Variants in FSTL5 observed in about 807,000 individuals in gnomAD.
The protein encoded by FSTL5 is follistatin-related protein 5.
FSTL5 carries 62 observed loss-of-function variants against 89.1 expected under a neutral mutation model. The ratio of observed to expected loss-of-function variants is 0.70; its 90% CI spans 0.57 to 0.86. The LOEUF (loss-of-function observed/expected upper bound fraction) is 0.86, where lower values mean the gene tolerates loss of function less well. FSTL5 is among the 40% of genes least tolerant of loss of function. The probability of loss-of-function intolerance (pLI) is 0.00; values close to 1 mark genes in which losing one functional copy is unlikely to be tolerated. For synonymous variants in FSTL5, 383 were observed against 346.2 expected, an observed-to-expected ratio of 1.11 and a Z score of -1.18; for missense variants, 1,057 against 1,001.6, an observed-to-expected ratio of 1.06 and a Z score of -0.75.
chr4:161,619,692 G>A (rs1431682940), intron 7 of FSTL5, among the ~76,000 whole-genome samples: 1 of 152,014 alleles, frequency 6.6e-6, no homozygotes, highest in African/African-American at 2.4e-5. Context: ...GGAAACAACA[G>A]GTGCTGGAGA....
chr4:161,823,517 T>C (rs1446791471), intron 4 of FSTL5, among the ~76,000 whole-genome samples: 1 of 152,160 alleles, frequency 6.6e-6, no homozygotes, highest in African/African-American at 2.4e-5. Context: ...GAGCAGGTGC[T>C]GGCAATGGGG....
At chr4:162,050,747 TG>T (rs1011728076) in intron 2 of FSTL5, among the ~76,000 whole-genome samples, 4 of 151,104 alleles carry the variant, frequency 2.6e-5, no homozygotes, top group African/African-American at 9.7e-5. Context: ...TGTTTGGGGT[TG>T]GGGGAGTAGA....
At chr4:161,491,494 G>C (rs1461156113) in intron 12 of FSTL5, among the ~76,000 whole-genome samples, 2 of 151,680 alleles carry the variant, frequency 1.3e-5, no homozygotes, top group African/African-American at 4.8e-5. Flanking sequence ...TTAAAATAGA[G>C]ATGGGATAGA....
Position 161,623,826 on chromosome 4 carries a change from T to G in FSTL5, c.894+32502A>C, listed in dbSNP as rs183180286. ...CTTCAGAGAAGAGTTCTGTGAATTA[T>G]CTTGCATTTTTTATTCAAAATGTTT... On this transcript the variant is annotated intron_variant, in intron 7 of 15. Coordinates refer to ENST00000306100, the MANE Select transcript of FSTL5 (RefSeq NM_020116.5). 3.9e-5 allele frequency among the ~76,000 whole-genome samples: 6 copies of G among 152,110 alleles called. No homozygotes were observed. The East Asian group carries it at 1.2e-3, about 29-fold the overall frequency.
At chr4:161,942,420 T>C (rs2110927065) in intron 3 of FSTL5, among the ~76,000 whole-genome samples, 1 of 152,132 alleles carries the variant, frequency 6.6e-6, no homozygotes, top group Non-Finnish European at 1.5e-5. Context: ...ATTCAAATTA[T>C]TAAATTCAAA....
chr4:161,826,083 A>T (rs1256759913), intron 4 of FSTL5, among the ~76,000 whole-genome samples: 3 of 152,058 alleles, frequency 2.0e-5, no homozygotes, highest in African/African-American at 7.2e-5. Context: ...CTGTGTCACT[A>T]TTATTGTTCA....
In FSTL5 at chr4:161,841,191, T is replaced by C. The variant is rs558571562; in HGVS notation, c.410-65117A>G. Among the ~76,000 whole-genome samples, 9 of 152,306 alleles carry C rather than the reference T, an allele frequency of 5.9e-5. No homozygotes were observed. The South Asian group carries it at 1.7e-3, about 28-fold the overall frequency. ...CTTATTTAAACTTTCATGAAATTGC[T>C]CAAAGTGCATACACCATTTATTTTT... On this transcript the variant is annotated intron_variant, in intron 4 of 15. Transcript: ENST00000306100.
intron 10 of FSTL5, among the ~76,000 whole-genome samples, chr4:161,517,412 A>AT (rs572409898): frequency 6.6e-6 from 1 of 152,080 alleles, no homozygotes; most frequent in African/African-American, 2.4e-5. Context: ...GAAATGTAAA[A>AT]TTTTTTTTGA....
intron 3 of FSTL5, among the ~76,000 whole-genome samples, chr4:162,027,508 G>A (rs1429821274): frequency 6.6e-6 from 1 of 151,858 alleles, no homozygotes; most frequent in Admixed American, 6.6e-5. Context: ...TGTACTCAAC[G>A]TTTTACTATT....
At chr4:161,757,258 T>G (rs558234408) in intron 6 of FSTL5, among the ~76,000 whole-genome samples, 1 of 152,298 alleles carries the variant, frequency 6.6e-6, no homozygotes, top group South Asian at 2.1e-4. Context: ...TATCCCTGAT[T>G]TCCAAAACTA....
At chr4:161,699,469 T>C (rs139968223) in intron 6 of FSTL5, among the ~76,000 whole-genome samples, 1 of 152,330 alleles carries the variant, frequency 6.6e-6, no homozygotes, top group Non-Finnish European at 1.5e-5. Context: ...CCATTCCTTG[T>C]ATTTTCTAGA....
intron 15 of FSTL5, among the ~76,000 whole-genome samples, chr4:161,399,757 G>A (rs777909184): frequency 6.6e-6 from 1 of 152,134 alleles, no homozygotes; most frequent in Non-Finnish European, 1.5e-5. Flanking sequence ...CTCACGTGGA[G>A]TGGAGATGAT....
rs72681774 is a variant in FSTL5, at chr4:161,415,634, T to C, written c.1842-29185A>G. Among the ~76,000 whole-genome samples, 1,054 of 151,214 alleles carry C rather than the reference T, an allele frequency of 7.0e-3. 6 individuals are homozygous for C. The highest frequency in any genetic ancestry group is 0.012 in the Non-Finnish European group (793 of 67,870). The stretch of plus-strand genomic sequence containing the variant: ...TCTTTTACCTACTCAAAAAGAGATA[T>C]GTTGTATTATAGGGGATACATATAT... On this transcript the variant is annotated intron_variant, in intron 15 of 15. Coordinates refer to ENST00000306100, the MANE Select transcript of FSTL5 (RefSeq NM_020116.5).
chr4:161,563,823 C>A (rs1287156054), intron 8 of FSTL5, among the ~76,000 whole-genome samples: 1 of 151,872 alleles, frequency 6.6e-6, no homozygotes, highest in Non-Finnish European at 1.5e-5. Context: ...AATAACATTA[C>A]TATAATCTAA....
chr4:161,666,574 C>T lies in FSTL5; in HGVS notation c.728-10080G>A, dbSNP rs558381110. On this transcript the variant is annotated intron_variant, in intron 6 of 15. Transcript: ENST00000306100. ...GCTTAGAGTTATGACATAGAAAAGG[C>T]GGAGAGTTTAGCTGTTATAAAGCGA... 1.0e-3 allele frequency among the ~76,000 whole-genome samples: 154 copies of T among 152,078 alleles called. No homozygotes were observed. In the South Asian group the frequency reaches 0.018, roughly 18 times the overall value.
chr4:162,003,007 G>A lies in FSTL5; in HGVS notation c.160+30618C>T, dbSNP rs561457288. 3.3e-5 allele frequency among the ~76,000 whole-genome samples: 5 copies of A among 152,022 alleles called. No homozygotes were observed. In the East Asian group the frequency reaches 9.7e-4, roughly 30 times the overall value. ...AAAATACAAAAAATTAGCCGGCCGT[G>A]GTGTCAGGCGCCTCTAGTCCCAGCT... On this transcript the variant is annotated intron_variant, in intron 3 of 15. Coordinates refer to ENST00000306100, the MANE Select transcript of FSTL5 (RefSeq NM_020116.5).
At chr4:162,028,833 T>A (rs1737400622) in intron 3 of FSTL5, among the ~76,000 whole-genome samples, 1 of 152,112 alleles carries the variant, frequency 6.6e-6, no homozygotes, top group Non-Finnish European at 1.5e-5. Context: ...GTACTAAGAA[T>A]CTGAAGGCCC....
At chr4:161,907,844 A>G (rs530621731) in intron 4 of FSTL5, among the ~76,000 whole-genome samples, 1 of 152,152 alleles carries the variant, frequency 6.6e-6, no homozygotes, top group East Asian at 1.9e-4. Flanking sequence ...TTGAGTTCTA[A>G]CATCTATGCT....
At chr4:161,986,406 G>T (rs1735964604) in intron 3 of FSTL5, among the ~76,000 whole-genome samples, 1 of 152,054 alleles carries the variant, frequency 6.6e-6, no homozygotes, top group Admixed American at 6.5e-5. Flanking sequence ...AAAATAAATA[G>T]TTGAGCCTGG....
Sources: gnomAD v4.1 joint callset for allele counts (sites outside exome capture counted in the v4.1 genomes callset) on GRCh38, gnomAD v4.1.1 for gene constraint, MANE v1.5 for transcripts, NCBI Gene and HGNC (gene_info 2026-07-23, HGNC 2026-07-21) for gene names.